The following IRGM variants were observed in gnomAD, a reference collection of about 807,000 sequenced individuals.
IRGM encodes immunity-related GTPase family M protein.
For synonymous variants in IRGM, 98 were observed against 80.6 expected (o/e 1.22, Z -1.16); for missense variants, 288 against 219.9 (o/e 1.31, Z -1.96).
intron 3 of IRGM, chr5:150,896,963 A>C: frequency 6.2e-7 from 1 of 1,607,780 alleles, no homozygotes; most frequent in Non-Finnish European, 8.5e-7. Flanking sequence ...TGTGAAGGTT[A>C]CTCTTCCTGT....
downstream of IRGM, among the ~76,000 whole-genome samples, chr5:150,849,762 A>T (rs1400085383): frequency 6.6e-6 from 1 of 151,956 alleles, no homozygotes; most frequent in Non-Finnish European, 1.5e-5. Flanking sequence ...GCACACCACC[A>T]CGCCCAGCTA....
chr5:150,867,601 T>C (rs1197932097), intron 1 of IRGM, among the ~76,000 whole-genome samples: 1 of 152,142 alleles, frequency 6.6e-6, no homozygotes, highest in African/African-American at 2.4e-5. Context: ...TTACCAGCAG[T>C]GTGAAAGTGT....
At chr5:150,854,621 C>T (rs903286871) in intron 1 of IRGM, among the ~76,000 whole-genome samples, 1 of 152,078 alleles carries the variant, frequency 6.6e-6, no homozygotes, top group Non-Finnish European at 1.5e-5. Flanking sequence ...CTTTTAGCAC[C>T]TTAAATATAT....
At chr5:150,889,496 T>G (rs555300693) in intron 3 of IRGM, among the ~76,000 whole-genome samples, 203 of 152,154 alleles carry the variant, frequency 1.3e-3, no homozygotes, top group Admixed American at 1.2e-3. Context: ...CACGATGAGA[T>G]TTGGGTGGGG....
At chr5:150,875,383 A>G (rs1754349167) in intron 1 of IRGM, among the ~76,000 whole-genome samples, 1 of 152,170 alleles carries the variant, frequency 6.6e-6, no homozygotes, top group South Asian at 2.1e-4. Context: ...CAGACGTGAA[A>G]TTATATACTG....
chr5:150,893,186 T>C (rs1186237102), intron 3 of IRGM, among the ~76,000 whole-genome samples: 1 of 152,118 alleles, frequency 6.6e-6, no homozygotes, highest in Non-Finnish European at 1.5e-5. Context: ...GCCAGAGGCA[T>C]TACTGAAAAG....
intron 3 of IRGM, among the ~76,000 whole-genome samples, chr5:150,893,282 T>C (rs1754646230): frequency 6.6e-6 from 1 of 152,174 alleles, no homozygotes; most frequent in African/African-American, 2.4e-5. Context: ...GATTCTCTTT[T>C]ACCATTGATC....
chr5:150,875,112 C>T (rs1361511929), intron 1 of IRGM, among the ~76,000 whole-genome samples: 1 of 152,220 alleles, frequency 6.6e-6, no homozygotes, highest in Non-Finnish European at 1.5e-5. Context: ...ACTCCTGCAA[C>T]CCTGCCTTCT....
At chr5:150,896,686 G>A in intron 3 of IRGM, 1 of 1,613,422 alleles carries the variant, frequency 6.2e-7, no homozygotes, top group East Asian at 2.2e-5. Context: ...TCATATTTAT[G>A]GAATCTCTGT....
At position 150,848,408 on chromosome 5, in the gene IRGM, G is replaced by A. The variant is rs567362649; in HGVS notation, c.285G>A (p.Gly95=). ...NVVLWDLPGT[G]SATTTLENYL... ...TGTTGTGGGACCTGCCTGGCACAGG[G>A]TCTGCCACCACAACCCTGGAGAACT... is the stretch of plus-strand genomic sequence containing the variant. The change falls in exon 2 of 2, where the codon GGG becomes GGA. Residue 95 remains glycine (G), a synonymous_variant. Transcript: ENST00000522154. 165 of 1,551,852 alleles carry A rather than the reference G, an allele frequency of 1.1e-4. No individual in the cohort carries two copies. The South Asian group carries it at 1.8e-3, about 17-fold the overall frequency.
downstream of IRGM, chr5:150,848,795 G>C: frequency 2.9e-6 from 2 of 679,710 alleles, no homozygotes; most frequent in Non-Finnish European, 2.5e-6. Flanking sequence ...CATGTAGAGA[G>C]TGTGGTTGTG....
downstream of IRGM, among the ~76,000 whole-genome samples, chr5:150,852,785 A>C (rs1342790565): frequency 1.3e-5 from 2 of 152,064 alleles, no homozygotes; most frequent in African/African-American, 4.8e-5. Flanking sequence ...AAGCAGAAGA[A>C]TCAAACAACT....
intron 1 of IRGM, among the ~76,000 whole-genome samples, chr5:150,874,199 A>C (rs1053597702): frequency 1.3e-5 from 2 of 152,240 alleles, no homozygotes; most frequent in African/African-American, 4.8e-5. Flanking sequence ...TTTGGGGTAT[A>C]TCAACTCTCC....
At chr5:150,870,235 GCACA>G (rs773489576) in intron 1 of IRGM, among the ~76,000 whole-genome samples, 12 of 152,102 alleles carry the variant, frequency 7.9e-5, no homozygotes, top group South Asian at 2.1e-4. Flanking sequence ...ACACATAGGT[GCACA>G]TCCCTAACCT....
intron 1 of IRGM, among the ~76,000 whole-genome samples, chr5:150,853,719 G>A (rs923202687): frequency 6.6e-6 from 1 of 151,886 alleles, no homozygotes; most frequent in African/African-American, 2.4e-5. Flanking sequence ...TATTAGTATA[G>A]CCACCCCTGC....
intron 1 of IRGM, among the ~76,000 whole-genome samples, chr5:150,860,000 C>G (rs1199594540): frequency 1.3e-5 from 2 of 152,146 alleles, no homozygotes; most frequent in East Asian, 1.9e-4. Flanking sequence ...CTGGGAGAAG[C>G]TTTATAGATT....
intron 1 of IRGM, among the ~76,000 whole-genome samples, chr5:150,864,633 G>A (rs540942817): frequency 1.8e-3 from 268 of 152,306 alleles, no homozygotes; most frequent in Middle Eastern, 6.8e-3. Context: ...AATGGCAAAT[G>A]GCAGACAATG....
Position 150,848,480 on chromosome 5 carries a change from AT to A in IRGM, c.358del (p.Ser120LeufsTer6). The A allele has an allele frequency of 1.3e-6, 2 of 1,551,888 alleles. No individual in the cohort carries two copies. Among genetic ancestry groups the A allele is most frequent in the Non-Finnish European group, 1.7e-6 (2 of 1,146,998 alleles). ...FNRYDFIMVA[S>X]AQFSMNHVML... The stretch of plus-strand genomic sequence containing the variant: ...ACCGGTATGACTTCATCATGGTTGC[AT>A]CTGCACAATTCAGCATGAATCATGT... On this transcript the variant is annotated frameshift_variant, in exon 2 of 2. Coordinates refer to ENST00000522154, the MANE Select transcript of IRGM (RefSeq NM_001145805.2). LOFTEE classifies it low-confidence loss of function (END_TRUNC).
chr5:150,898,523 T>G, intron 3 of IRGM: 1 of 1,612,738 alleles, frequency 6.2e-7, no homozygotes, highest in Non-Finnish European at 8.5e-7. Flanking sequence ...CTGGGTGAAA[T>G]CCACAGCCAC....
Sources: allele counts gnomAD v4.1 joint callset (sites outside exome capture counted in the v4.1 genomes callset), GRCh38; gene constraint gnomAD v4.1.1; transcripts MANE v1.5; gene names NCBI Gene and HGNC (gene_info 2026-07-23, HGNC 2026-07-21).